LDLRAD4: variants seen among roughly 807,000 people sequenced by gnomAD.
LDLRAD4 encodes low-density lipoprotein receptor class A domain-containing protein 4.
In LDLRAD4, 5 loss-of-function variants were observed where a neutral mutation model predicts 17.0. The ratio of observed to expected loss-of-function variants is 0.29; its 90% confidence interval spans 0.15 to 0.62. LDLRAD4 has a LOEUF of 0.62. Among genes scored for constraint, LDLRAD4 ranks in the 20% least tolerant of loss-of-function variants. The pLI is 0.84. For synonymous variants in LDLRAD4, 168 were observed against 171.8 expected, an observed-to-expected ratio of 0.98 and a Z score of 0.17; for missense variants, 340 against 424.7, an observed-to-expected ratio of 0.80 and a Z score of 1.75.
At chr18:13,412,488 A>G (rs2088467692) in intron 2 of LDLRAD4, among the ~76,000 whole-genome samples, 1 of 152,166 alleles carries the variant, frequency 6.6e-6, no homozygotes, top group African/African-American at 2.4e-5. Flanking sequence ...TTCTATTTGA[A>G]TGAATGAGAT....
At chr18:13,646,296 G>A (rs1231236557) in exon 6 of LDLRAD4, 3 of 152,762 alleles carry the variant, frequency 2.0e-5, no homozygotes, top group East Asian at 3.9e-4. Flanking sequence ...AGTTCTGTAT[G>A]TTGTCTTTTC....
upstream of LDLRAD4, among the ~76,000 whole-genome samples, chr18:13,276,498 A>G (rs977416964): frequency 1.4e-4 from 22 of 152,196 alleles, no homozygotes; most frequent in African/African-American, 5.1e-4. Flanking sequence ...TGCAGGTTTG[A>G]GTATGGAAGA....
At chr18:13,406,275 G>T (rs1448242842) in intron 2 of LDLRAD4, among the ~76,000 whole-genome samples, 13 of 152,150 alleles carry the variant, frequency 8.5e-5, no homozygotes, top group Non-Finnish European at 1.8e-4. Context: ...AGAGAGTCAC[G>T]GATCTCAGTT....
intron 3 of LDLRAD4, among the ~76,000 whole-genome samples, chr18:13,532,319 A>G (rs62084760): frequency 6.6e-6 from 1 of 152,156 alleles, no homozygotes; most frequent in Admixed American, 6.5e-5. Flanking sequence ...TACATTCAAG[A>G]TTGCGGCTGA....
At chr18:13,420,895 G>T (rs1339954108) in intron 2 of LDLRAD4, 1 of 152,254 alleles carries the variant, frequency 6.6e-6, no homozygotes, top group Non-Finnish European at 1.5e-5. Flanking sequence ...GCATCTCAGT[G>T]CACAGGGAGC....
chr18:13,571,335 T>C (rs1785171), intron 3 of LDLRAD4, among the ~76,000 whole-genome samples: 46,320 of 152,116 alleles, frequency 0.3, 8,144 homozygotes, highest in African/African-American at 0.49. Flanking sequence ...CCCTGTAGCT[T>C]CCAGTGCCTC....
chr18:13,500,558 C>G (rs1480784948), intron 3 of LDLRAD4: 2 of 152,236 alleles, frequency 1.3e-5, no homozygotes, highest in African/African-American at 4.8e-5. Flanking sequence ...CAGTGTGTGA[C>G]TGTCCCTTTC....
intron 1 of LDLRAD4, among the ~76,000 whole-genome samples, chr18:13,250,890 A>G (rs1002301736): frequency 2.6e-5 from 4 of 152,248 alleles, no homozygotes; most frequent in Non-Finnish European, 5.9e-5. Flanking sequence ...CAAGGCCAGC[A>G]TAACCCTGAC....
intron 3 of LDLRAD4, among the ~76,000 whole-genome samples, chr18:13,532,301 C>T (rs531083333): frequency 6.6e-6 from 1 of 152,216 alleles, no homozygotes; most frequent in Admixed American, 6.5e-5. Flanking sequence ...CTGAGAAATA[C>T]GTGACTATAC....
chr18:13,243,668 C>G (rs1284039005), intron 1 of LDLRAD4, among the ~76,000 whole-genome samples: 1 of 150,400 alleles, frequency 6.6e-6, no homozygotes, highest in Admixed American at 6.6e-5. Flanking sequence ...ATCCATCCGT[C>G]TACCCATCCA....
intron 3 of LDLRAD4, among the ~76,000 whole-genome samples, chr18:13,575,659 A>G (rs1375743053): frequency 2.6e-5 from 4 of 152,254 alleles, no homozygotes; most frequent in African/African-American, 7.2e-5. Context: ...ATTGTTTTCC[A>G]TAGTGGTTGT....
intron 1 of LDLRAD4, among the ~76,000 whole-genome samples, chr18:13,383,788 G>A (rs2085573957): frequency 6.6e-6 from 1 of 152,078 alleles, no homozygotes; most frequent in Non-Finnish European, 1.5e-5. Context: ...ACTGAGTGCC[G>A]CTGGGTTCTG....
chr18:13,407,410 C>T (rs376310722), intron 2 of LDLRAD4, among the ~76,000 whole-genome samples: 12 of 152,184 alleles, frequency 7.9e-5, no homozygotes, highest in East Asian at 5.8e-4. Context: ...AGTGCTTAGG[C>T]GCTATGTTAG....
intron 3 of LDLRAD4, chr18:13,543,692 G>A (rs2094318785): frequency 6.6e-6 from 1 of 152,214 alleles, no homozygotes; most frequent in Admixed American, 6.5e-5. Context: ...GAGTCACCTG[G>A]AGTTTGTTGG....
At chr18:13,234,048 A>G (rs1409995500) in intron 1 of LDLRAD4, among the ~76,000 whole-genome samples, 1 of 152,162 alleles carries the variant, frequency 6.6e-6, no homozygotes, top group African/African-American at 2.4e-5. Context: ...TTCTGCCTCC[A>G]GCGTTCGTCC....
intron 3 of LDLRAD4, among the ~76,000 whole-genome samples, chr18:13,599,933 A>T (rs569982663): frequency 6.6e-6 from 1 of 152,354 alleles, no homozygotes; most frequent in South Asian, 2.1e-4. Context: ...AAAGAAAATT[A>T]TCTTTATATT....
At chr18:13,253,039 C>T (rs900780193) in intron 1 of LDLRAD4, among the ~76,000 whole-genome samples, 1 of 152,210 alleles carries the variant, frequency 6.6e-6, no homozygotes, top group Non-Finnish European at 1.5e-5. Flanking sequence ...GCCTGCTTCA[C>T]TCTGGGCACC....
chr18:13,535,804 T>C (rs992611976), intron 3 of LDLRAD4, among the ~76,000 whole-genome samples: 21 of 152,250 alleles, frequency 1.4e-4, no homozygotes, highest in Admixed American at 1.4e-3. Context: ...TGTTTAGTTC[T>C]ATGATCCTAT....
intron 1 of LDLRAD4, among the ~76,000 whole-genome samples, chr18:13,347,945 G>A (rs1004199253): frequency 3.2e-4 from 48 of 152,258 alleles, no homozygotes; most frequent in African/African-American, 1.1e-3. Context: ...GGACTTCTCT[G>A]CATTGGTTAT....
Sources: allele counts gnomAD v4.1 joint callset (sites outside exome capture counted in the v4.1 genomes callset), GRCh38; gene constraint gnomAD v4.1.1; transcripts MANE v1.5; gene names NCBI Gene and HGNC (gene_info 2026-07-23, HGNC 2026-07-21).